The following MADD variants were observed in gnomAD, a reference collection of about 807,000 sequenced individuals.
MADD encodes MAP kinase activating death domain.
MADD carries 109 observed loss-of-function variants against 176.7 expected under a neutral mutation model. The ratio of observed to expected loss-of-function variants is 0.62; its 90% CI spans 0.53 to 0.72. The LOEUF (loss-of-function observed/expected upper bound fraction) is 0.72. Among genes scored for constraint, MADD ranks in the 30% least tolerant of loss-of-function variants. MADD has a pLI of 0.00. For missense variants in MADD, 1,914 were observed against 2,045.5 expected (o/e 0.94, Z 1.24); for synonymous variants, 771 against 771.3 (o/e 1.00, Z 0.01).
At chr11:47,272,097 C>A (rs1234250455) in intron 1 of MADD, 1 of 152,202 alleles carries the variant, frequency 6.6e-6, no homozygotes, top group African/African-American at 2.4e-5. Context: ...CAGGTACTGT[C>A]AGTGGGAGAA....
intron 22 of MADD, among the ~76,000 whole-genome samples, chr11:47,307,875 A>T (rs749379050): frequency 6.6e-6 from 1 of 152,168 alleles, no homozygotes; most frequent in Non-Finnish European, 1.5e-5. Flanking sequence ...TCACCATGTT[A>T]GCCAGGATGG....
intron 26 of MADD, among the ~76,000 whole-genome samples, chr11:47,314,000 C>A (rs768287404): frequency 6.6e-6 from 1 of 151,976 alleles, no homozygotes; most frequent in Non-Finnish European, 1.5e-5. Flanking sequence ...CCTTTTGATC[C>A]GCCCACCTCG....
At chr11:47,322,294 C>T (rs1323469581) in intron 27 of MADD, among the ~76,000 whole-genome samples, 2 of 151,988 alleles carry the variant, frequency 1.3e-5, no homozygotes, top group South Asian at 2.1e-4. Context: ...TAATGTCTCC[C>T]GTAACATTTG....
chr11:47,289,089 C>T, intron 15 of MADD, 62 bp downstream of exon 16: 1 of 1,466,872 alleles, frequency 6.8e-7, no homozygotes, highest in Non-Finnish European at 9.2e-7. Flanking sequence ...TCTGTGCCTG[C>T]CCGAGGGCCA....
chr11:47,284,276 C>T (rs768624302), exon 11 of MADD: 2 of 1,613,814 alleles, frequency 1.2e-6, no homozygotes, highest in East Asian at 2.2e-5. Context: ...AATGGTGATA[C>T]TCCCAGTAAG....
chr11:47,290,183 A>G lies in MADD; in HGVS notation c.2978A>G (p.Asp993Gly), dbSNP rs763292437. The change falls in exon 18 of 33, where the codon GAC becomes GGC. Residue 993 changes from aspartate to glycine, a missense_variant. Around this residue, in one of 2 missense-constraint regions of MADD, gnomAD observed 1,767 missense variants for 1,836.0 expected, o/e 0.96. Coordinates refer to ENST00000402192, the Ensembl canonical transcript of MADD. ...CGGAAGGTGTACAAGGGAATGTTAG[A>G]CCTCCTCAAGTGTACAGTCCTCAGC... The G allele has an allele frequency of 2.5e-6, 4 of 1,613,542 alleles. No individual in the cohort carries two copies. The African/African-American group carries it at 4.0e-5, about 16-fold the overall frequency.
At chr11:47,282,435 G>T (rs2057647644) in exon 9 of MADD, 1 of 1,614,180 alleles carries the variant, frequency 6.2e-7, no homozygotes. Context: ...GATTTCAGAT[G>T]CACACGCGTA....
chr11:47,303,237 C>CTT (rs1565461250), intron 22 of MADD, among the ~76,000 whole-genome samples: 3 of 119,522 alleles, frequency 2.5e-5, no homozygotes, highest in Non-Finnish European at 3.4e-5. Flanking sequence ...TTTTCTCTTG[C>CTT]TGTTTTTTTT....
In MADD at chr11:47,328,250, G is replaced by A. The variant is rs530980738; in HGVS notation, c.4613-408G>A. The A allele has an allele frequency of 9.1e-6, 10 of 1,104,514 alleles. No homozygotes were observed. In the South Asian group the frequency reaches 2.5e-4, roughly 28 times the overall value. The allele number at this position is 1,104,514 out of a possible 1,614,324, so 68.4% of individuals were successfully genotyped here. ...ACGAGTTCACGGGTGTCTCAGCAAA[G>A]TTGGACACAAGCTAGAGAGAGCTCT... is the stretch of plus-strand genomic sequence containing the variant. On this transcript the variant is annotated intron_variant, in intron 31 of 32. Transcript: ENST00000402192.
At chr11:47,286,193 A>G (rs138318277) in intron 14 of MADD, among the ~76,000 whole-genome samples, 1 of 152,130 alleles carries the variant, frequency 6.6e-6, no homozygotes, top group Admixed American at 6.5e-5. Flanking sequence ...AGAGACTTGG[A>G]TATTATCATG....
At chr11:47,329,266 A>G in exon 33 of MADD, 2 of 800,528 alleles carry the variant, frequency 2.5e-6, no homozygotes, top group Non-Finnish European at 4.3e-6. Flanking sequence ...GTCCTCTGCA[A>G]GCCCCCTGCT....
intron 16 of MADD, 148 bp downstream of exon 17, chr11:47,289,641 G>T (rs1221147121): frequency 2.2e-5 from 18 of 827,686 alleles, no homozygotes; most frequent in South Asian, 9.8e-5. Context: ...ATTCTGGCTT[G>T]ATCTCCATGC....
intron 16 of MADD, 72 bp from the exon 18 acceptor site, chr11:47,289,795 A>T: frequency 6.5e-7 from 1 of 1,527,828 alleles, no homozygotes; most frequent in Non-Finnish European, 9.0e-7. Flanking sequence ...GCAGACATCT[A>T]GTCTGGGTGA....
chr11:47,317,199 G>A (rs887625222), intron 27 of MADD, among the ~76,000 whole-genome samples: 7 of 152,138 alleles, frequency 4.6e-5, no homozygotes, highest in African/African-American at 1.7e-4. Context: ...GTGTGACTGT[G>A]CCTTAATTTA....
intron 26 of MADD, among the ~76,000 whole-genome samples, chr11:47,312,670 A>G (rs903210688): frequency 1.6e-4 from 25 of 152,214 alleles, no homozygotes; most frequent in Middle Eastern, 3.4e-3. Flanking sequence ...TCCTGACCTC[A>G]AGTGATCTGC....
chr11:47,328,699 C>G, exon 32 of MADD: 1 of 1,614,230 alleles, frequency 6.2e-7, no homozygotes, highest in African/African-American at 1.3e-5. Context: ...GTACAAGACA[C>G]CAATGGTGAG....
At chr11:47,320,597 C>A (rs968780010) in intron 27 of MADD, among the ~76,000 whole-genome samples, 1 of 152,048 alleles carries the variant, frequency 6.6e-6, no homozygotes, top group Non-Finnish European at 1.5e-5. Context: ...CCAGCCTGGG[C>A]AACATAGGGA....
At chr11:47,298,585 C>T (rs1279508361) in intron 22 of MADD, among the ~76,000 whole-genome samples, 1 of 152,054 alleles carries the variant, frequency 6.6e-6, no homozygotes, top group Non-Finnish European at 1.5e-5. Context: ...GCTATTAATC[C>T]CTTGTCAGAT....
chr11:47,328,915 T>A, intron 32 of MADD, 131 bp from the exon 37 acceptor site: 1 of 987,140 alleles, frequency 1.0e-6, no homozygotes, highest in Non-Finnish European at 1.6e-6. Context: ...ACAGCTTCCT[T>A]GCTTGGAGCT....
Sources: allele counts gnomAD v4.1 joint callset (sites outside exome capture counted in the v4.1 genomes callset), GRCh38; gene constraint gnomAD v4.1.1; regional missense constraint gnomAD v4.1.1; transcripts MANE v1.5; gene names NCBI Gene and HGNC (gene_info 2026-07-23, HGNC 2026-07-21).